GABRA3: variants seen among roughly 807,000 people sequenced by gnomAD.
The protein encoded by GABRA3 is gamma-aminobutyric acid type A receptor subunit alpha3.
In GABRA3, 10 loss-of-function variants were observed where a neutral mutation model predicts 30.1. The observed-to-expected ratio is 0.33, with a 90% CI of 0.20 to 0.56. The LOEUF (loss-of-function observed/expected upper bound fraction) is 0.56. GABRA3 is among the 20% of genes least tolerant of loss of function. The pLI, the probability that GABRA3 is intolerant of heterozygous loss-of-function variation, is 0.89. For synonymous variants in GABRA3, 151 were observed against 146.8 expected (o/e 1.03, Z -0.21); for missense variants, 233 against 392.0 (o/e 0.59, Z 3.42).
intron 3 of GABRA3, 93 bp downstream of exon 3, chrX:152,345,488 A>G (rs1940377137): frequency 2.1e-6 from 2 of 971,350 alleles, no homozygotes; most frequent in South Asian, 2.7e-5. Flanking sequence ...TCATTGGCCA[A>G]TAGACTACTG....
At chrX:152,352,314 T>C (rs761636110) in intron 2 of GABRA3, among the ~76,000 whole-genome samples, 5 of 112,098 alleles carry the variant, frequency 4.5e-5, no homozygotes, top group South Asian at 3.7e-4. Flanking sequence ...TAGAAAACTT[T>C]TGAAATAAAT....
chrX:152,356,925 G>A (rs1041120022), intron 2 of GABRA3, among the ~76,000 whole-genome samples: 2 of 111,570 alleles, frequency 1.8e-5, no homozygotes, highest in African/African-American at 3.3e-5. Flanking sequence ...ACATGATCTC[G>A]TTCTTTTTTA....
rs183121910 is a variant in GABRA3, at chrX:152,326,896, G to T, written c.262+18685C>A. The stretch of plus-strand genomic sequence containing the variant: ...AATGGGCTAAATGCTCCAATTGAAA[G>T]ACACAGACTGGCAAATTGGATAAAG... On this transcript the variant is annotated intron_variant, in intron 3 of 9. Transcript: ENST00000370314. Among the ~76,000 whole-genome samples the T allele has an allele frequency of 4.8e-3, 537 of 110,841 alleles. 4 individuals are homozygous for T. The highest frequency in any genetic ancestry group is 8.3e-3 in the Non-Finnish European group (441 of 52,934).
At chrX:152,446,593 A>T (rs747552853) in intron 1 of GABRA3, among the ~76,000 whole-genome samples, 157 of 109,394 alleles carry the variant, frequency 1.4e-3, no homozygotes, top group Non-Finnish European at 2.4e-3. Flanking sequence ...ACCACCCCTG[A>T]ATCTCTTTTA....
At chrX:152,329,173 AC>A (rs1230835270) in intron 3 of GABRA3, among the ~76,000 whole-genome samples, 1 of 111,688 alleles carries the variant, frequency 9.0e-6, no homozygotes, top group Non-Finnish European at 1.9e-5. Context: ...AGAACTACAA[AC>A]CACTGCTCAA....
At chrX:152,441,580 A>G (rs1930933616) in intron 1 of GABRA3, among the ~76,000 whole-genome samples, 1 of 111,961 alleles carries the variant, frequency 8.9e-6, no homozygotes, top group Non-Finnish European at 1.9e-5. Context: ...GGCAGTGAAC[A>G]GTAACTTGAC....
At chrX:152,381,082 C>T (rs1372069654) in intron 1 of GABRA3, among the ~76,000 whole-genome samples, 4 of 111,645 alleles carry the variant, frequency 3.6e-5, no homozygotes, top group East Asian at 2.8e-4. Flanking sequence ...TTTGCACATG[C>T]CGGCTTCCCC....
chrX:152,266,648 GT>G (rs1376752829), intron 4 of GABRA3, among the ~76,000 whole-genome samples: 1 of 111,436 alleles, frequency 9.0e-6, no homozygotes, highest in African/African-American at 3.3e-5. Flanking sequence ...CAGCCTTCAG[GT>G]TTTAATCAAA....
At chrX:152,408,344 C>A (rs953349761) in intron 1 of GABRA3, among the ~76,000 whole-genome samples, 1 of 110,696 alleles carries the variant, frequency 9.0e-6, no homozygotes, top group Non-Finnish European at 1.9e-5. Context: ...CCAAAAAAAA[C>A]CATTATAACT....
intron 5 of GABRA3, among the ~76,000 whole-genome samples, chrX:152,229,899 GA>G (rs752447003): frequency 9.0e-6 from 1 of 111,275 alleles, no homozygotes; most frequent in Admixed American, 9.6e-5. Context: ...ACTGCTTTAT[GA>G]TTAAAAACTC....
chrX:152,207,914 G>A (rs952561839), intron 7 of GABRA3, 87 bp downstream of exon 7: 15 of 844,111 alleles, frequency 1.8e-5, no homozygotes, highest in Non-Finnish European at 2.4e-5. Flanking sequence ...TTGTTTTGAA[G>A]ATTAAGTAAG....
chrX:152,242,004 C>T (rs1195980993), intron 5 of GABRA3, among the ~76,000 whole-genome samples: 2 of 111,859 alleles, frequency 1.8e-5, no homozygotes, highest in Non-Finnish European at 3.8e-5. Context: ...CGGAGCTGTT[C>T]CTATTCGGCC....
intron 9 of GABRA3, among the ~76,000 whole-genome samples, chrX:152,173,956 A>T (rs1363290295): frequency 9.2e-6 from 1 of 108,818 alleles, no homozygotes. Flanking sequence ...TCACCCCACA[A>T]CAGGCCCTGG....
intron 1 of GABRA3, among the ~76,000 whole-genome samples, chrX:152,367,479 G>A (rs146397461): frequency 0.031 from 3,442 of 111,717 alleles, 67 homozygotes; most frequent in Non-Finnish European, 0.046. Context: ...AGAGCTAAAG[G>A]AAGGTACAAG....
chrX:152,210,641 A>G (rs920466266), intron 6 of GABRA3, among the ~76,000 whole-genome samples: 1 of 112,519 alleles, frequency 8.9e-6, no homozygotes, highest in African/African-American at 3.2e-5. Context: ...GGAATTTTAT[A>G]TGACATCTCA....
At chrX:152,277,027 C>G (rs1472559640) in intron 4 of GABRA3, among the ~76,000 whole-genome samples, 3 of 111,616 alleles carry the variant, frequency 2.7e-5, no homozygotes, top group South Asian at 3.7e-4. Context: ...ACATTTGACT[C>G]ATTTTTAAGA....
chrX:152,206,618 T>C (rs1349173727), intron 7 of GABRA3, among the ~76,000 whole-genome samples: 2 of 111,474 alleles, frequency 1.8e-5, no homozygotes, highest in African/African-American at 3.3e-5. Context: ...CTCTGAGCCC[T>C]GGCCACGCAG....
chrX:152,236,241 G>A (rs1234774689), intron 5 of GABRA3, among the ~76,000 whole-genome samples: 12 of 101,960 alleles, frequency 1.2e-4, no homozygotes, highest in South Asian at 4.7e-4. Flanking sequence ...GAGAATATGC[G>A]GTGTTTGGTT....
intron 3 of GABRA3, among the ~76,000 whole-genome samples, chrX:152,331,235 C>T (rs1940161394): frequency 9.3e-6 from 1 of 107,048 alleles, no homozygotes; most frequent in Admixed American, 1.0e-4. Context: ...ACCATGAATT[C>T]AAAGGGACCA....
Sources: gnomAD v4.1 joint callset for allele counts (sites outside exome capture counted in the v4.1 genomes callset) on GRCh38, gnomAD v4.1.1 for gene constraint, MANE v1.5 for transcripts, NCBI Gene and HGNC (gene_info 2026-07-23, HGNC 2026-07-21) for gene names.